BCL11B: variants seen among roughly 807,000 people sequenced by gnomAD.
BCL11B encodes the protein B-cell lymphoma/leukemia 11B.
In BCL11B, 8 loss-of-function variants were observed where a neutral mutation model predicts 49.9. That is an observed-to-expected ratio of 0.16 (90% confidence interval 0.09 to 0.29). The LOEUF is 0.29. BCL11B is among the 10% of genes least tolerant of loss of function. The pLI is 1.00. For synonymous variants in BCL11B, 739 were observed against 637.4 expected (o/e 1.16, Z -2.40); for missense variants, 1,006 against 1,351.0 (o/e 0.74, Z 4.00).
chr14:99,185,292 C>T (rs1237861786), intron 3 of BCL11B, among the ~76,000 whole-genome samples: 1 of 152,046 alleles, frequency 6.6e-6, no homozygotes, highest in Non-Finnish European at 1.5e-5. Flanking sequence ...CAAAAATTAG[C>T]TGGGCATGGT....
intron 3 of BCL11B, among the ~76,000 whole-genome samples, chr14:99,210,863 G>A (rs974645935): frequency 2.0e-5 from 3 of 152,082 alleles, no homozygotes; most frequent in South Asian, 2.1e-4. Flanking sequence ...ACTTGGGGCC[G>A]CAGAGCCCTG....
rs1412961973 is a variant in BCL11B, at chr14:99,241,303, G to T, written c.428-9746C>A. Among the ~76,000 whole-genome samples, 2 of 151,982 alleles carry T rather than the reference G, an allele frequency of 1.3e-5. No individual in the cohort carries two copies. Among genetic ancestry groups the T allele is most frequent in the Non-Finnish European group, 2.9e-5 (2 of 68,006 alleles). On this transcript the variant is annotated intron_variant, in intron 2 of 3. Transcript: ENST00000357195. The surrounding 1 kb of genome is among the most constrained non-coding windows in gnomAD (Gnocchi z 4.4). ...CATTGTAGATAAGAGCCCAGAGGCG[G>T]GGAGGCCTCCGGGGCCACTCTTACA...
In BCL11B at chr14:99,170,706, GA is replaced by G. The variant is rs1211354650; in HGVS notation, c.*3444del. ...GGAAACTGACGGAATGTAGGTTTCA[GA>G]GAGCAAAGCAGCAAAGCAGGGAAGA... On this transcript the variant is annotated 3_prime_UTR_variant, in exon 4 of 4. Transcript: ENST00000357195. The G allele has an allele frequency of 4.3e-6, 1 of 233,314 alleles. No homozygotes were observed. The highest frequency in any genetic ancestry group is 8.5e-6 in the Non-Finnish European group (1 of 117,910). 14.5% of individuals were successfully genotyped at this position (233,314 alleles called of 1,614,324 possible).
In BCL11B at chr14:99,174,724, G is replaced by A. The variant is rs779842515; in HGVS notation, c.2112C>T (p.Ser704=). 4 of 1,554,212 alleles carry A rather than the reference G, an allele frequency of 2.6e-6. No homozygotes were observed. In the African/African-American group the frequency reaches 4.3e-5, roughly 17 times the overall value. ...LELPPAALIP[S]ENVYSQWLVG... is the part of the protein sequence containing the mutation. ...CCAGCCACTGCGAGTACACGTTCTCGGACGGGATGAGCGCGGCGGGCGGCA... is the reference window on the plus strand; with the variant it reads ...CCAGCCACTGCGAGTACACGTTCTCAGACGGGATGAGCGCGGCGGGCGGCA... Residue 704 remains serine (S), a synonymous_variant, in exon 4 of 4, where the codon TCC becomes TCT. Transcript: ENST00000357195.
intron 1 of BCL11B, among the ~76,000 whole-genome samples, chr14:99,269,996 G>T (rs1595090260): frequency 6.6e-6 from 1 of 151,922 alleles, no homozygotes; most frequent in Non-Finnish European, 1.5e-5. Context: ...GGCTGCGGCG[G>T]GCGGGGAGCG....
At chr14:99,223,374 G>A (rs1888066877) in intron 3 of BCL11B, among the ~76,000 whole-genome samples, 1 of 152,104 alleles carries the variant, frequency 6.6e-6, no homozygotes, top group Admixed American at 6.5e-5. Context: ...CTCCCCTAAT[G>A]TCTATTATTT....
chr14:99,174,914 CCGCCCGCGTCGTCGTCGT>C lies in BCL11B; in HGVS notation c.1904_1921del (p.Asp635_Gly640del), dbSNP rs775290403. The C allele has an allele frequency of 1.1e-5, 13 of 1,154,432 alleles. No individual in the cohort carries two copies. The highest frequency in any genetic ancestry group is 3.4e-5 in the African/African-American group (2 of 59,272). The allele number at this position is 1,154,432 out of a possible 1,614,324, so 71.5% of individuals were successfully genotyped here. On this transcript the variant is annotated inframe_deletion, in exon 4 of 4. Coordinates refer to ENST00000357195, the MANE Select transcript of BCL11B (RefSeq NM_138576.4). Reference sequence around the variant, plus strand: ...GCCGCCCGCGCCCGCGTCCCCGCAGCCGCCCGCGTCGTCGTCGTCGCCCGCGTCCCCGCCGCCCGCCGC... The same window carrying C: ...GCCGCCCGCGCCCGCGTCCCCGCAGCCGCCCGCGTCCCCGCCGCCCGCCGC...
rs1311306212 is a variant in BCL11B, at chr14:99,184,342, T to C, written c.641-8147A>G. On this transcript the variant is annotated intron_variant, in intron 3 of 3. Coordinates refer to ENST00000357195, the MANE Select transcript of BCL11B (RefSeq NM_138576.4). This position sits in a 1 kb window ranked among gnomAD's most constrained non-coding sequence, Gnocchi z 6.1. ...CAGCATTGTATTTAGATCTGCTTCA[T>C]ACTGATCACCATACTGAACTGTCAT... Among the ~76,000 whole-genome samples the C allele has an allele frequency of 6.6e-6, 1 of 152,214 alleles. No individual in the cohort carries two copies. Among genetic ancestry groups the C allele is most frequent in the Non-Finnish European group, 1.5e-5 (1 of 68,038 alleles).
intron 3 of BCL11B, among the ~76,000 whole-genome samples, chr14:99,183,238 CTA>C (rs1430282084): frequency 6.6e-6 from 1 of 152,188 alleles, no homozygotes; most frequent in Non-Finnish European, 1.5e-5. Flanking sequence ...CCACCTAACT[CTA>C]CACGCAGTGA....
chr14:99,176,059 G>A lies in BCL11B; in HGVS notation c.777C>T (p.Leu259=). 6.2e-7 allele frequency: 1 copy of A among 1,601,754 alleles called. No homozygotes were observed. The highest frequency in any genetic ancestry group is 8.5e-7 in the Non-Finnish European group (1 of 1,174,026). ...GCGGCGGGATGGTGAGCCGCGGCGT[G>A]AGCGAGCTGCTGGCCGGCCCGGGCT... is the stretch of plus-strand genomic sequence containing the variant. ...YLEPGPASSS[L]TPRLTIPPPL... The change falls in exon 4 of 4, where the codon CTC becomes CTT. Residue 259 remains leucine (L), a synonymous_variant. Coordinates refer to ENST00000357195, the MANE Select transcript of BCL11B (RefSeq NM_138576.4).
chr14:99,256,552 T>C (rs1889169170), intron 2 of BCL11B, among the ~76,000 whole-genome samples: 1 of 152,008 alleles, frequency 6.6e-6, no homozygotes, highest in Admixed American at 6.6e-5. Context: ...CCCTCCTTTC[T>C]CCCCCAGGCC....
intron 3 of BCL11B, among the ~76,000 whole-genome samples, chr14:99,207,724 C>T (rs1043847012): frequency 3.9e-5 from 6 of 152,160 alleles, no homozygotes; most frequent in Admixed American, 1.3e-4. Flanking sequence ...GGAGCTCCCT[C>T]GGCTGCCTGG....
chr14:99,269,388 ATT>A (rs1889581381), intron 1 of BCL11B, among the ~76,000 whole-genome samples: 1 of 152,126 alleles, frequency 6.6e-6, no homozygotes, highest in South Asian at 2.1e-4. Context: ...GCTGCAAAAC[ATT>A]TTGTTTTAAA....
intron 1 of BCL11B, among the ~76,000 whole-genome samples, chr14:99,265,789 G>A (rs60081620): frequency 0.011 from 1,647 of 152,276 alleles, 30 homozygotes; most frequent in African/African-American, 0.037. Context: ...TCCAGCTGAC[G>A]ACAGCGCTAG....
chr14:99,195,028 C>T lies in BCL11B; in HGVS notation c.641-18833G>A, dbSNP rs1237453492. On this transcript the variant is annotated intron_variant, in intron 3 of 3. Coordinates refer to ENST00000357195, the MANE Select transcript of BCL11B (RefSeq NM_138576.4). This position sits in a 1 kb window ranked among gnomAD's most constrained non-coding sequence, Gnocchi z 4.7. ...CACAGAGCCATCTCCCCCAGGTGCA[C>T]AGATGGGAAAACGAAGGCTGCCCAG... Among the ~76,000 whole-genome samples, 2 of 152,184 alleles carry T rather than the reference C, an allele frequency of 1.3e-5. No individual in the cohort carries two copies. Among genetic ancestry groups the T allele is most frequent in the African/African-American group, 4.8e-5 (2 of 41,440 alleles).
chr14:99,237,251 T>C lies in BCL11B; in HGVS notation c.428-5694A>G, dbSNP rs75758072. 3.7e-3 allele frequency among the ~76,000 whole-genome samples: 542 copies of C among 148,112 alleles called. 3 individuals are homozygous for C. The highest frequency in any genetic ancestry group is 5.3e-3 in the Non-Finnish European group (358 of 67,608). On this transcript the variant is annotated intron_variant, in intron 2 of 3. Transcript: ENST00000357195. ...CTTTTTTTTTCTTTTTTTTTTTTTT[T>C]AGCTTTTAATTACCAAGGTCTAGGA...
chr14:99,209,188 C>T (rs919235533), intron 3 of BCL11B, among the ~76,000 whole-genome samples: 13 of 152,102 alleles, frequency 8.5e-5, no homozygotes, highest in African/African-American at 1.2e-4. Flanking sequence ...ATTTGCAAGA[C>T]GGGAGCTGCC....
intron 1 of BCL11B, among the ~76,000 whole-genome samples, chr14:99,258,446 G>A (rs2664307): frequency 0.028 from 4,166 of 151,278 alleles, 90 homozygotes; most frequent in Non-Finnish European, 0.041. Flanking sequence ...CCATTCATGC[G>A]AATCCCACTC....
chr14:99,216,586 G>T (rs1887841537), intron 3 of BCL11B, among the ~76,000 whole-genome samples: 1 of 152,170 alleles, frequency 6.6e-6, no homozygotes, highest in African/African-American at 2.4e-5. Flanking sequence ...GAGGTACTAA[G>T]AAGGTGAATT....
Sources: allele counts gnomAD v4.1 joint callset (sites outside exome capture counted in the v4.1 genomes callset), GRCh38; gene constraint gnomAD v4.1.1; non-coding constraint Gnocchi (gnomAD v3.1); transcripts MANE v1.5; gene names NCBI Gene and HGNC (gene_info 2026-07-23, HGNC 2026-07-21).